CDC42BPA: variants seen among roughly 807,000 people sequenced by gnomAD.
CDC42BPA encodes serine/threonine-protein kinase MRCK alpha.
Under a neutral mutation model 223.5 loss-of-function variants are expected in CDC42BPA, and 80 were observed. The ratio of observed to expected loss-of-function variants is 0.36; its 90% confidence interval spans 0.30 to 0.43. The LOEUF (loss-of-function observed/expected upper bound fraction) is 0.43, where lower values mean the gene tolerates loss of function less well. Ranked by LOEUF, CDC42BPA falls within the 20% of genes least tolerant of loss-of-function variation. The pLI is 1.00. For synonymous variants in CDC42BPA, 694 were observed against 718.6 expected (o/e 0.97, Z 0.55); for missense variants, 1,743 against 2,099.9 (o/e 0.83, Z 3.32).
intron 10 of CDC42BPA, among the ~76,000 whole-genome samples, chr1:227,133,406 G>GC (rs1391428198): frequency 6.6e-6 from 1 of 151,938 alleles, no homozygotes; most frequent in African/African-American, 2.4e-5. Flanking sequence ...CTGCCCGGCC[G>GC]CCCCTACTGG....
intron 21 of CDC42BPA, among the ~76,000 whole-genome samples, chr1:227,053,371 C>T (rs1185027788): frequency 1.3e-5 from 2 of 152,130 alleles, no homozygotes; most frequent in Non-Finnish European, 2.9e-5. Context: ...CACCACCAGG[C>T]CATAAACTTT....
chr1:227,307,290 AG>A (rs1469831873), intron 1 of CDC42BPA, among the ~76,000 whole-genome samples: 1 of 152,244 alleles, frequency 6.6e-6, no homozygotes, highest in African/African-American at 2.4e-5. Flanking sequence ...AAATATGGAA[AG>A]GATAAAGGCA....
intron 2 of CDC42BPA, among the ~76,000 whole-genome samples, chr1:227,248,097 A>C (rs114469695): frequency 1.2e-4 from 19 of 152,300 alleles, no homozygotes; most frequent in African/African-American, 4.3e-4. Flanking sequence ...AAGATCTAGG[A>C]AACAACCTCA....
At chr1:227,199,763 G>T in intron 3 of CDC42BPA, 111 bp from the exon 4 acceptor site, 2 of 562,744 alleles carry the variant, frequency 3.6e-6, no homozygotes, top group Non-Finnish European at 3.1e-6. Flanking sequence ...GAATACACCT[G>T]ATATTATAAG....
intron 21 of CDC42BPA, among the ~76,000 whole-genome samples, chr1:227,065,126 T>TA (rs1558414073): frequency 3.4e-5 from 4 of 117,314 alleles, no homozygotes; most frequent in Admixed American, 8.2e-5. Flanking sequence ...ATAAATAAAT[T>TA]AACTCAAACC....
At chr1:227,122,751 C>T (rs1220521200) in intron 11 of CDC42BPA, among the ~76,000 whole-genome samples, 2 of 152,174 alleles carry the variant, frequency 1.3e-5, no homozygotes, top group East Asian at 1.9e-4. Context: ...AGAAACACAG[C>T]ACTTGTAATT....
intron 9 of CDC42BPA, among the ~76,000 whole-genome samples, chr1:227,140,629 G>A (rs1370796105): frequency 6.6e-6 from 1 of 152,112 alleles, no homozygotes; most frequent in African/African-American, 2.4e-5. Flanking sequence ...AGTCATGTAG[G>A]GCCTTGTAAG....
intron 10 of CDC42BPA, among the ~76,000 whole-genome samples, chr1:227,132,657 C>A (rs912778872): frequency 4.4e-4 from 66 of 151,296 alleles, no homozygotes; most frequent in African/African-American, 1.5e-3. Flanking sequence ...ATCGTCTCTG[C>A]CCGGCCGCCA....
At chr1:227,113,910 G>A (rs553192539) in intron 12 of CDC42BPA, among the ~76,000 whole-genome samples, 16 of 149,376 alleles carry the variant, frequency 1.1e-4, no homozygotes, top group South Asian at 1.1e-3. Context: ...ACCTATAGTC[G>A]TAGCTACTAA....
rs1258094504 is a variant in CDC42BPA, at chr1:227,168,499, T to TTTTTTTTTTTGTTTTTTG, written c.600-7864_600-7863insCAAAAAACAAAAAAAAAA. Among the ~76,000 whole-genome samples, 20 of 47,938 alleles carry TTTTTTTTTTTGTTTTTTG rather than the reference T, an allele frequency of 4.2e-4. 4 individuals are homozygous for TTTTTTTTTTTGTTTTTTG. Among genetic ancestry groups the TTTTTTTTTTTGTTTTTTG allele is most frequent in the African/African-American group, 1.7e-3 (20 of 11,430 alleles). 31.4% of individuals were successfully genotyped at this position (47,938 alleles called of 152,430 possible). A position where few individuals can be genotyped will look rare whatever the true frequency, so the allele number is the denominator to read the frequency against. ...TTTTCATATTTATCTTCCCTGGTGT[T>TTTTTTTTTTTGTTTTTTG]TTTTTTTTTTTTTTGAGGCAGAGTC... On this transcript the variant is annotated intron_variant, in intron 5 of 36. Transcript: ENST00000366766.
chr1:227,151,451 A>G lies in CDC42BPA; in HGVS notation c.694-3892T>C, dbSNP rs1661740966. On this transcript the variant is annotated intron_variant, in intron 6 of 36. Transcript: ENST00000366766. ...TGCTGCTCTAAAAATGAGTGTACAA[A>G]TGTATGTTCAACTCCTTGCTTTCAC... Among the ~76,000 whole-genome samples, 4 of 152,168 alleles carry G rather than the reference A, an allele frequency of 2.6e-5. No individual in the cohort carries two copies. In the South Asian group the frequency reaches 8.3e-4, roughly 32 times the overall value.
intron 4 of CDC42BPA, among the ~76,000 whole-genome samples, chr1:227,198,998 T>C (rs900120992): frequency 2.0e-5 from 3 of 152,232 alleles, no homozygotes; most frequent in Admixed American, 1.3e-4. Context: ...TCCTCCCGCC[T>C]TGGCCTCCCA....
chr1:227,102,028 T>C (rs1030734016), intron 14 of CDC42BPA, among the ~76,000 whole-genome samples: 1 of 152,196 alleles, frequency 6.6e-6, no homozygotes, highest in South Asian at 2.1e-4. Flanking sequence ...TTATATCTTA[T>C]CTGTCTCCCC....
rs1177131516 is a variant in CDC42BPA, at chr1:227,177,972, T to C, written c.599+15814A>G. On this transcript the variant is annotated intron_variant, in intron 5 of 36. Transcript: ENST00000366766. ...TTTCCAATACTGTATTTTTCCGTCC[T>C]AAAATTTCCATTTGTTTCTTTTATA... Among the ~76,000 whole-genome samples, 3 of 152,212 alleles carry C rather than the reference T, an allele frequency of 2.0e-5. 1 individual carries two copies. Among genetic ancestry groups the C allele is most frequent in the Admixed American group, 2.0e-4 (3 of 15,286 alleles).
rs11804613 is a variant in CDC42BPA, at chr1:227,317,093, T to C, written c.90A>G (p.Thr30=). ...AAAGGCAGATGAGTATATCCAGTAA[T>C]GTCTCCACACTGAAGCACTGCCCAT... is the stretch of plus-strand genomic sequence containing the variant. ...QTNGQCFSVE[T]LLDILICLYD... Residue 30 remains threonine, a synonymous_variant, in exon 1 of 37, where the codon ACA becomes ACG. Transcript: ENST00000366766. 278,085 of 1,613,596 alleles carry C rather than the reference T, an allele frequency of 0.17. 27,762 individuals carry two copies. Among genetic ancestry groups the C allele is most frequent in the East Asian group, 0.38 (17,118 of 44,840 alleles).
At chr1:227,078,026 C>T (rs1320809058) in intron 17 of CDC42BPA, among the ~76,000 whole-genome samples, 1 of 152,148 alleles carries the variant, frequency 6.6e-6, no homozygotes, top group Non-Finnish European at 1.5e-5. Flanking sequence ...CTTTGAAAAA[C>T]CTTCTCCATC....
intron 21 of CDC42BPA, among the ~76,000 whole-genome samples, chr1:227,053,985 A>T (rs1187813155): frequency 6.6e-6 from 1 of 152,192 alleles, no homozygotes; most frequent in Non-Finnish European, 1.5e-5. Context: ...CTGAGAAGCA[A>T]AGCAGAATTG....
chr1:227,016,977 C>G lies in CDC42BPA; in HGVS notation c.4689G>C (p.Lys1563Asn). 6.2e-7 allele frequency: 1 copy of G among 1,613,486 alleles called. No homozygotes were observed. Among genetic ancestry groups the G allele is most frequent in the Non-Finnish European group, 8.5e-7 (1 of 1,179,642 alleles). The change falls in exon 33 of 37, where the codon AAG becomes AAC. Residue 1563 changes from lysine (K) to asparagine (N), a missense_variant. Lys to Asn is a moderately conservative substitution (Grantham distance 94, BLOSUM62 0). This residue lies in a region of CDC42BPA where 44 missense variants were observed against 81.0 expected (regional missense o/e 0.54). Transcript: ENST00000366766. ...CTGGGACTCTGAAGGAATAACGCCG[C>G]TTATTGTTAATGTTTCTAACCATTT... ...RKQMVRNINN[K>N]RRYSFRVPEE...
At chr1:227,056,029 A>T (rs547670578) in intron 21 of CDC42BPA, among the ~76,000 whole-genome samples, 82 of 152,320 alleles carry the variant, frequency 5.4e-4, no homozygotes, top group African/African-American at 1.9e-3. Flanking sequence ...GTATTTTTAC[A>T]GTAGTACATT....
Sources: gnomAD v4.1 joint callset for allele counts (sites outside exome capture counted in the v4.1 genomes callset) on GRCh38, gnomAD v4.1.1 for gene constraint, gnomAD v4.1.1 regional missense constraint, MANE v1.5 for transcripts, NCBI Gene and HGNC (gene_info 2026-07-23, HGNC 2026-07-21) for gene names.